The following LSG1 variants were observed in gnomAD, a reference collection of about 807,000 sequenced individuals.
LSG1 encodes the protein large 60S subunit nuclear export GTPase 1.
In LSG1, 55 loss-of-function variants were observed where a neutral mutation model predicts 82.6. The ratio of observed to expected loss-of-function variants is 0.67; its 90% CI spans 0.54 to 0.83. LSG1 has a LOEUF of 0.83. Ranked by LOEUF, LSG1 falls within the 40% of genes least tolerant of loss-of-function variation. LSG1 has a pLI of 0.00. For missense variants in LSG1, 809 were observed against 807.9 expected, an observed-to-expected ratio of 1.00 and a Z score of -0.02; for synonymous variants, 272 against 282.5, an observed-to-expected ratio of 0.96 and a Z score of 0.37.
Position 194,648,665 on chromosome 3 carries a change from A to G in LSG1, c.1543+16T>C. On this transcript the variant is annotated intron_variant, in intron 11 of 13. Coordinates refer to ENST00000265245, the MANE Select transcript of LSG1 (RefSeq NM_018385.3). ...CTGTTACTTTTGTTCACATTTTCTG[A>G]TGAATCACAACTTACATCCATAAGC... 6.2e-7 allele frequency: 1 copy of G among 1,612,798 alleles called. No individual in the cohort carries two copies. Among genetic ancestry groups the G allele is most frequent in the Non-Finnish European group, 8.5e-7 (1 of 1,179,480 alleles).
Position 194,672,154 on chromosome 3 carries a change from C to G in LSG1, c.9G>C (p.Arg3=). ...GCGACCCACCGGCCGGGGCTCTCCT[C>G]CGGCCCATGGCAACACGACCGCTGG... MG[R]RRAPAGGSLG... is the part of the protein sequence containing the mutation. Residue 3 remains arginine (R), a synonymous_variant, in exon 1 of 14, where the codon CGG becomes CGC. Coordinates refer to ENST00000265245, the MANE Select transcript of LSG1 (RefSeq NM_018385.3). The G allele has an allele frequency of 6.2e-7, 1 of 1,602,670 alleles. No homozygotes were observed. Among genetic ancestry groups the G allele is most frequent in the African/African-American group, 1.3e-5 (1 of 75,016 alleles).
chr3:194,647,053 T>C lies in LSG1; in HGVS notation c.1544-810A>G, dbSNP rs2108615599. ...GCGTTCAAAACTCAGTTCCCTCACA[T>C]ACTAGCTGTCGACTGGCTTTTCCAG... On this transcript the variant is annotated intron_variant, in intron 11 of 13. Coordinates refer to ENST00000265245, the MANE Select transcript of LSG1 (RefSeq NM_018385.3). Among the ~76,000 whole-genome samples, 4 of 152,344 alleles carry C rather than the reference T, an allele frequency of 2.6e-5. 1 individual carries two copies. The highest frequency in any genetic ancestry group is 2.6e-4 in the Admixed American group (4 of 15,306).
chr3:194,658,837 G>A (rs1718860401), intron 7 of LSG1, 120 bp downstream of exon 7: 2 of 1,012,678 alleles, frequency 2.0e-6, no homozygotes, highest in Admixed American at 2.3e-5. Context: ...CCAGCACACA[G>A]AGGAAAAACT....
intron 13 of LSG1, among the ~76,000 whole-genome samples, chr3:194,643,180 C>T (rs979565390): frequency 2.1e-4 from 32 of 152,234 alleles, no homozygotes; most frequent in African/African-American, 7.7e-4. Flanking sequence ...CTTTAAAATA[C>T]TGCCTACAAA....
rs1718703265 is a variant in LSG1 at position 194,652,807 on chromosome 3, G to A, written c.1095C>T (p.Ser365=). The change falls in exon 8 of 14, where the codon TCC becomes TCT. Residue 365 remains serine, a synonymous_variant. Coordinates refer to ENST00000265245, the MANE Select transcript of LSG1 (RefSeq NM_018385.3). ...RQIHNFSHLV[S]KQELLELFKE... ...TAAAGAGCTCCAGTAACTCCTGCTT[G>A]GATACCAGATGGCTAAAATTGTGTA... 6.2e-7 allele frequency: 1 copy of A among 1,614,144 alleles called. No individual in the cohort carries two copies. Among genetic ancestry groups the A allele is most frequent in the Non-Finnish European group, 8.5e-7 (1 of 1,180,038 alleles).
intron 12 of LSG1, 131 bp from the exon 13 acceptor site, chr3:194,644,877 G>T: frequency 1.7e-6 from 1 of 588,086 alleles, no homozygotes; most frequent in Non-Finnish European, 2.7e-6. Flanking sequence ...TTGAGTTTTG[G>T]TCTACTGCAG....
rs1277668383 is a variant in LSG1, at chr3:194,657,208, T to C, written c.759+1749A>G. On this transcript the variant is annotated intron_variant, in intron 7 of 13. Transcript: ENST00000265245. ...TAAAAAAAAAAAAAAACGCTTGGCA[T>C]AGAGTGCTGCTAGTAAGTCCACAAA... Among the ~76,000 whole-genome samples, 24 of 146,572 alleles carry C rather than the reference T, an allele frequency of 1.6e-4. No individual in the cohort carries two copies. The East Asian group carries it at 1.8e-3, about 11-fold the overall frequency.
At position 194,652,119 on chromosome 3, in the gene LSG1, C is replaced by G. The variant is rs1330138280; in HGVS notation, c.1173+610G>C. 4.6e-5 allele frequency among the ~76,000 whole-genome samples: 7 copies of G among 152,144 alleles called. No individual in the cohort carries two copies. The East Asian group carries it at 1.2e-3, about 25-fold the overall frequency. ...TATATTCTGGATAGGTCTTTATAAT[C>G]AATACCTTCTCTAACATCTCACATC... On this transcript the variant is annotated intron_variant, in intron 8 of 13. Transcript: ENST00000265245.
At chr3:194,642,728 T>TAGAA (rs1262974869) in intron 13 of LSG1, among the ~76,000 whole-genome samples, 6 of 152,242 alleles carry the variant, frequency 3.9e-5, no homozygotes, top group African/African-American at 1.4e-4. Context: ...ACATAGCTTT[T>TAGAA]AGAAACCTGT....
In LSG1 at chr3:194,666,475, T is replaced by C. The variant is rs773598676; in HGVS notation, c.324A>G (p.Lys108=). The change falls in exon 3 of 14, where the codon AAA becomes AAG. Residue 108 remains lysine, a synonymous_variant. Transcript: ENST00000265245. ...ACCTCCTCGGTATACACAAGAACTGTTTGTTTTCTTCATGGAGCTTCTTAA... is the reference window on the plus strand; with the variant it reads ...ACCTCCTCGGTATACACAAGAACTGCTTGTTTTCTTCATGGAGCTTCTTAA... ...QRIKKLHEEN[K]QFLCIPRRPN... is the part of the protein sequence containing the mutation. 6.2e-7 allele frequency: 1 copy of C among 1,614,142 alleles called. No individual in the cohort carries two copies. The highest frequency in any genetic ancestry group is 1.7e-5 in the Admixed American group (1 of 60,018).
At chr3:194,646,344 G>T in intron 11 of LSG1, 101 bp from the exon 12 acceptor site, 1 of 828,886 alleles carries the variant, frequency 1.2e-6, no homozygotes, top group South Asian at 1.5e-5. Context: ...TCTTACTCTT[G>T]GATTTTAAAA....
At chr3:194,660,792 G>A (rs1325090046) in intron 5 of LSG1, 3 of 448,846 alleles carry the variant, frequency 6.7e-6, no homozygotes, top group Admixed American at 4.8e-5. Context: ...CTTCCATCAC[G>A]TATAAGAAAG....
chr3:194,644,617 C>T lies in LSG1; in HGVS notation c.1753G>A (p.Ala585Thr). 1.2e-6 allele frequency: 2 copies of T among 1,612,160 alleles called. No homozygotes were observed. Among genetic ancestry groups the T allele is most frequent in the Non-Finnish European group, 1.7e-6 (2 of 1,179,174 alleles). The change falls in exon 13 of 14, where the codon GCA becomes ACA. Residue 585 changes from alanine to threonine, a missense_variant. Ala to Thr is a moderately conservative substitution (Grantham distance 58, BLOSUM62 0). Coordinates refer to ENST00000265245, the MANE Select transcript of LSG1 (RefSeq NM_018385.3). ...IKMQLGRNKK[A>T]KQIENIVDKT... ...TCAACGATATTTTCAATCTGCTTTG[C>T]TTTTTTATTTCTGCCTAGCTGCATT...
Position 194,652,878 on chromosome 3 carries a change from C to T in LSG1, c.1024G>A (p.Ala342Thr). The change falls in exon 8 of 14, where the codon GCA (alanine) becomes ACA (threonine). Residue 342 changes from alanine (A) to threonine (T), a missense_variant. By Grantham distance (58) the Ala-to-Thr change is moderately conservative (BLOSUM62 0). Transcript: ENST00000265245. ...CSQDWKESSTADSEARSRKTP... is the reference protein window; with the variant it reads ...CSQDWKESSTTDSEARSRKTP... ...TTCCTGCTCCGAGCCTCAGAATCTGCAGTAGAGCTTTCCTTCCAGTCCTGG... is the reference window on the plus strand; with the variant it reads ...TTCCTGCTCCGAGCCTCAGAATCTGTAGTAGAGCTTTCCTTCCAGTCCTGG... 1.9e-6 allele frequency: 3 copies of T among 1,614,158 alleles called. No homozygotes were observed. In the South Asian group the frequency reaches 3.3e-5, roughly 18 times the overall value.
intron 7 of LSG1, among the ~76,000 whole-genome samples, chr3:194,655,452 A>C (rs1560224416): frequency 6.6e-6 from 1 of 152,232 alleles, no homozygotes; most frequent in Non-Finnish European, 1.5e-5. Context: ...GACTGGAAAC[A>C]ATAGAAATAA....
chr3:194,643,009 T>C (rs1718431000), intron 13 of LSG1, among the ~76,000 whole-genome samples: 1 of 152,250 alleles, frequency 6.6e-6, no homozygotes, highest in Non-Finnish European at 1.5e-5. Flanking sequence ...GTGTAAGGCA[T>C]GCAGATAAAG....
intron 7 of LSG1, among the ~76,000 whole-genome samples, chr3:194,656,945 C>T (rs1171350173): frequency 1.3e-5 from 2 of 151,262 alleles, no homozygotes; most frequent in Admixed American, 6.6e-5. Flanking sequence ...GGGAATTGAA[C>T]GATGAGAACA....
rs1455417691 is a variant in LSG1, at chr3:194,658,960, A to G, written c.756T>C (p.Ser252=). Residue 252 remains serine, a synonymous_variant, in exon 7 of 14, where the codon TCT becomes TCC. Coordinates refer to ENST00000265245, the MANE Select transcript of LSG1 (RefSeq NM_018385.3). ...CCTAAAATGTCCCTCAGGTTACCTC[A>G]GAGTCACCATTCAGGGGAATGGCTC... ...LAGAIPLNGD[S]EEEANRDDRQ... 6.2e-7 allele frequency: 1 copy of G among 1,612,472 alleles called. No individual in the cohort carries two copies. The highest frequency in any genetic ancestry group is 2.2e-5 in the East Asian group (1 of 44,838).
In LSG1 at chr3:194,648,894, C is replaced by T. The variant is rs879111075; in HGVS notation, c.1420-90G>A. 79 of 1,304,032 alleles carry T rather than the reference C, an allele frequency of 6.1e-5. 1 individual carries two copies. Among genetic ancestry groups the T allele is most frequent in the Admixed American group, 1.6e-4 (8 of 51,418 alleles). 80.8% of individuals were successfully genotyped at this position (1,304,032 alleles called of 1,614,324 possible). On this transcript the variant is annotated intron_variant, in intron 10 of 13. Transcript: ENST00000265245. ...CCTCAAAGAACATGGCACTTCATTC[C>T]GCGTGTGACAAACACTCTCTCCTCT...
Sources: gnomAD v4.1 joint callset for allele counts (sites outside exome capture counted in the v4.1 genomes callset) on GRCh38, gnomAD v4.1.1 for gene constraint, MANE v1.5 for transcripts, NCBI Gene and HGNC (gene_info 2026-07-23, HGNC 2026-07-21) for gene names.